GTF2H5: variants seen among roughly 807,000 people sequenced by gnomAD.
GTF2H5 encodes general transcription factor IIH subunit 5, also known as TFB5 ortholog.
Under a neutral mutation model 7.1 loss-of-function variants are expected in GTF2H5, and 5 were observed. That is an observed-to-expected ratio of 0.71 (90% CI 0.37 to 1.49). The LOEUF is 1.49. Ranked by LOEUF, GTF2H5 falls within the 40% of genes most tolerant of loss-of-function variation. The pLI, the probability that GTF2H5 is intolerant of heterozygous loss-of-function variation, is 0.03. For missense variants in GTF2H5, 80 were observed against 83.0 expected, an observed-to-expected ratio of 0.96 and a Z score of 0.14; for synonymous variants, 30 against 31.7, an observed-to-expected ratio of 0.95 and a Z score of 0.18.
intron 2 of GTF2H5, among the ~76,000 whole-genome samples, chr6:158,187,602 C>G (rs1776951325): frequency 6.6e-6 from 1 of 152,140 alleles, no homozygotes; most frequent in African/African-American, 2.4e-5. Flanking sequence ...GAGTCTCGCT[C>G]TGTTGCACAG....
rs1372962430 is a variant in GTF2H5, at chr6:158,169,637, A to G, written c.-34-833A>G. Reference sequence around the variant, plus strand: ...TATTACATATAATATATTGTATATTACATATATTGTATATTACATATAATA... The same window carrying G: ...TATTACATATAATATATTGTATATTGCATATATTGTATATTACATATAATA... On this transcript the variant is annotated intron_variant, in intron 1 of 2. Transcript: ENST00000607778. 3.5e-3 allele frequency among the ~76,000 whole-genome samples: 174 copies of G among 49,380 alleles called. 13 individuals carry two copies. Among genetic ancestry groups the G allele is most frequent in the Admixed American group, 6.5e-3 (15 of 2,296 alleles). 32.4% of individuals were successfully genotyped at this position (49,380 alleles called of 152,430 possible).
At position 158,192,030 on chromosome 6, in the gene GTF2H5, G is replaced by A. The variant is rs1777036989; in HGVS notation, c.89G>A (p.Gly30Glu). 6.2e-7 allele frequency: 1 copy of A among 1,613,934 alleles called. No individual in the cohort carries two copies. Among genetic ancestry groups the A allele is most frequent in the Non-Finnish European group, 8.5e-7 (1 of 1,179,854 alleles). ...TACTTGGATGAGTCCAATGCCCTGG[G>A]GAAGAAGTTCATCATTCAAGACATT... ...LLYLDESNAL[G>E]KKFIIQDIDD... Residue 30 changes from glycine to glutamate, a missense_variant, in exon 3 of 3, where the codon GGG becomes GAG. By Grantham distance (98) the Gly-to-Glu change is moderately conservative. Transcript: ENST00000607778.
chr6:158,190,961 C>T (rs1322296160), intron 2 of GTF2H5: 2 of 512,122 alleles, frequency 3.9e-6, no homozygotes, highest in South Asian at 1.4e-5. Context: ...TCCCTCTTTT[C>T]CCTTATGACT....
In GTF2H5 at chr6:158,182,022, C is replaced by G; in HGVS notation, c.36-9955C>G. 1.3e-5 allele frequency among the ~76,000 whole-genome samples: 2 copies of G among 152,148 alleles called. 1 individual carries two copies. The highest frequency in any genetic ancestry group is 2.9e-5 in the Non-Finnish European group (2 of 68,028). ...TTGCAGTGGCTGGTACCGGTTGTTC[C>G]TTTCCATGTTTAGTGTTTCCTTCAG... On this transcript the variant is annotated intron_variant, in intron 2 of 2. Transcript: ENST00000607778.
Position 158,197,187 on chromosome 6 carries a change from A to G in GTF2H5, c.*5030A>G, listed in dbSNP as rs1777125982. On this transcript the variant is annotated 3_prime_UTR_variant, in exon 3 of 3. Coordinates refer to ENST00000607778, the MANE Select transcript of GTF2H5 (RefSeq NM_207118.3). ...AAGGACTGAGATCATTTTGGGAGAG[A>G]TCATCTTCAGAAAATGACCAGATAC... 6.3e-6 allele frequency: 1 copy of G among 157,954 alleles called. No homozygotes were observed. The allele number at this position is 157,954 out of a possible 1,614,324, so 9.8% of individuals were successfully genotyped here. A position where few individuals can be genotyped will look rare whatever the true frequency, so the allele number is the denominator to read the frequency against.
intron 1 of GTF2H5, among the ~76,000 whole-genome samples, chr6:158,169,761 A>G (rs1450639605): frequency 8.8e-6 from 1 of 113,730 alleles, no homozygotes; most frequent in Non-Finnish European, 1.7e-5. Flanking sequence ...AATATATTGT[A>G]TATTATATAT....
At chr6:158,179,372 A>T (rs1328900157) in intron 2 of GTF2H5, among the ~76,000 whole-genome samples, 1 of 152,138 alleles carries the variant, frequency 6.6e-6, no homozygotes, top group Non-Finnish European at 1.5e-5. Context: ...GTTTTTTCCA[A>T]TTCTGTGAAG....
chr6:158,179,897 G>T (rs57104742), intron 2 of GTF2H5, among the ~76,000 whole-genome samples: 2,484 of 152,136 alleles, frequency 0.016, 80 homozygotes, highest in African/African-American at 0.057. Flanking sequence ...GGTGAGAGAG[G>T]GCATCCTTGT....
At chr6:158,182,815 T>C (rs1037236329) in intron 2 of GTF2H5, among the ~76,000 whole-genome samples, 1 of 152,120 alleles carries the variant, frequency 6.6e-6, no homozygotes, top group Non-Finnish European at 1.5e-5. Flanking sequence ...TTGCGATGGG[T>C]AGAACATCCT....
At chr6:158,187,085 C>G (rs1358416945) in intron 2 of GTF2H5, among the ~76,000 whole-genome samples, 1 of 149,954 alleles carries the variant, frequency 6.7e-6, no homozygotes, top group South Asian at 2.1e-4. Flanking sequence ...CCCCTCACCT[C>G]CTGGGTTCAA....
rs201705842 is a variant in GTF2H5, at chr6:158,188,034, G to C, written c.36-3943G>C. On this transcript the variant is annotated intron_variant, in intron 2 of 2. Transcript: ENST00000607778. ...GGTCCATCAGTCAGTTGGCAGATGGGGGGTGGGGTGCTTAGAACTTTATTT... is the reference window on the plus strand; with the variant it reads ...GGTCCATCAGTCAGTTGGCAGATGGCGGGTGGGGTGCTTAGAACTTTATTT... 1.8e-4 allele frequency among the ~76,000 whole-genome samples: 28 copies of C among 152,276 alleles called. No individual in the cohort carries two copies. The East Asian group carries it at 5.4e-3, about 29-fold the overall frequency.
chr6:158,191,684 G>A (rs1308282441), intron 2 of GTF2H5, among the ~76,000 whole-genome samples: 1 of 151,960 alleles, frequency 6.6e-6, no homozygotes, highest in Non-Finnish European at 1.5e-5. Context: ...GGGTTTCACC[G>A]TGTTAGCCAG....
At chr6:158,188,722 A>G (rs1463744786) in intron 2 of GTF2H5, among the ~76,000 whole-genome samples, 3 of 152,162 alleles carry the variant, frequency 2.0e-5, no homozygotes, top group Non-Finnish European at 2.9e-5. Context: ...ATCAGTGACC[A>G]TTATGCTCTG....
Position 158,193,131 on chromosome 6 carries a change from G to A in GTF2H5, c.*974G>A, listed in dbSNP as rs1256114537. The A allele has an allele frequency of 6.8e-6, 1 of 147,614 alleles. No individual in the cohort carries two copies. The highest frequency in any genetic ancestry group is 1.5e-5 in the Non-Finnish European group (1 of 66,094). The allele number at this position is 147,614 out of a possible 1,614,324, so 9.1% of individuals were successfully genotyped here. On this transcript the variant is annotated 3_prime_UTR_variant, in exon 3 of 3. Coordinates refer to ENST00000607778, the MANE Select transcript of GTF2H5 (RefSeq NM_207118.3). ...GCAGGCAGATCGCTTGAGTCCAGGA[G>A]TCGAAACCCTGTCTCTACAAAAAAA...
At chr6:158,178,270 A>G (rs1386887616) in intron 2 of GTF2H5, among the ~76,000 whole-genome samples, 5 of 152,066 alleles carry the variant, frequency 3.3e-5, no homozygotes. Flanking sequence ...GCGGATCACG[A>G]GGTCAGGAGA....
intron 2 of GTF2H5, among the ~76,000 whole-genome samples, chr6:158,174,908 G>T (rs1428478856): frequency 6.6e-6 from 1 of 151,928 alleles, no homozygotes; most frequent in Non-Finnish European, 1.5e-5. Context: ...TCTAACCATT[G>T]TTCTGTTTTT....
At chr6:158,176,235 TG>T (rs1171227932) in intron 2 of GTF2H5, among the ~76,000 whole-genome samples, 1 of 152,098 alleles carries the variant, frequency 6.6e-6, no homozygotes, top group African/African-American at 2.4e-5. Context: ...TGTTTGCTTT[TG>T]TTTTTTTTTT....
intron 2 of GTF2H5, among the ~76,000 whole-genome samples, chr6:158,181,059 C>G (rs185359238): frequency 6.6e-6 from 1 of 152,180 alleles, no homozygotes; most frequent in East Asian, 1.9e-4. Context: ...ACCAGAGATT[C>G]TGGTACGTTG....
Position 158,192,357 on chromosome 6 carries a change from C to G in GTF2H5, c.*200C>G, listed in dbSNP as rs945645788. 1.3e-5 allele frequency: 7 copies of G among 540,336 alleles called. No individual in the cohort carries two copies. Among genetic ancestry groups the G allele is most frequent in the Non-Finnish European group, 2.3e-5 (7 of 303,214 alleles). The allele number at this position is 540,336 out of a possible 1,614,324, so 33.5% of individuals were successfully genotyped here. On this transcript the variant is annotated 3_prime_UTR_variant, in exon 3 of 3. Transcript: ENST00000607778. ...CCATAGAATTTAAAAAAAAAAAAAG[C>G]TTTAACAGTTGGCTGTAATTTGGCT... is the stretch of plus-strand genomic sequence containing the variant.
Sources: gnomAD v4.1 joint callset for allele counts (sites outside exome capture counted in the v4.1 genomes callset) on GRCh38, gnomAD v4.1.1 for gene constraint, MANE v1.5 for transcripts, NCBI Gene and HGNC (gene_info 2026-07-23, HGNC 2026-07-21) for gene names.